The following WWC1 variants were observed in gnomAD, a reference collection of about 807,000 sequenced individuals.
WWC1 encodes the protein WW and C2 domain containing 1.
WWC1 carries 55 observed loss-of-function variants against 138.4 expected under a neutral mutation model. The observed-to-expected ratio is 0.40, with a 90% CI of 0.32 to 0.50. WWC1 has a LOEUF of 0.50. WWC1 is among the 20% of genes least tolerant of loss of function. The probability of loss-of-function intolerance (pLI) is 0.72; values close to 1 mark genes in which losing one functional copy is unlikely to be tolerated. For synonymous variants in WWC1, 524 were observed against 564.9 expected, an observed-to-expected ratio of 0.93 and a Z score of 1.03; for missense variants, 1,226 against 1,420.4, an observed-to-expected ratio of 0.86 and a Z score of 2.20.
intron 2 of WWC1, among the ~76,000 whole-genome samples, chr5:168,379,148 T>A (rs1282876187): frequency 1.3e-5 from 2 of 152,146 alleles, no homozygotes; most frequent in African/African-American, 4.8e-5. Flanking sequence ...GAAAGAGGGA[T>A]ATGAGGGAGA....
intron 9 of WWC1, among the ~76,000 whole-genome samples, chr5:168,417,737 G>A (rs1241372215): frequency 1.3e-5 from 2 of 152,326 alleles, no homozygotes; most frequent in Middle Eastern, 3.4e-3. Flanking sequence ...CGGGCAGCTC[G>A]GAGGGCCTGG....
At chr5:168,454,368 C>T (rs1317998254) in intron 18 of WWC1, among the ~76,000 whole-genome samples, 2 of 152,212 alleles carry the variant, frequency 1.3e-5, no homozygotes, top group Non-Finnish European at 2.9e-5. Context: ...GGTTTGAATT[C>T]TGGCTCTGAT....
intron 1 of WWC1, among the ~76,000 whole-genome samples, chr5:168,356,804 G>C (rs891043875): frequency 6.6e-6 from 1 of 152,094 alleles, no homozygotes; most frequent in African/African-American, 2.4e-5. Flanking sequence ...GGCTCTTGTC[G>C]CGCTTCTCCA....
intron 7 of WWC1, among the ~76,000 whole-genome samples, chr5:168,409,417 A>C (rs1026370833): frequency 6.6e-6 from 1 of 152,194 alleles, no homozygotes; most frequent in Admixed American, 6.5e-5. Context: ...CCATGTGTCC[A>C]GCTACTAGCC....
intron 1 of WWC1, among the ~76,000 whole-genome samples, chr5:168,344,671 G>C (rs1376132575): frequency 3.3e-5 from 5 of 152,248 alleles, no homozygotes; most frequent in Non-Finnish European, 7.3e-5. Context: ...TCTTGCTCAA[G>C]CCTTAGCATT....
chr5:168,415,890 G>A (rs1438890977), intron 9 of WWC1: 2 of 141,830 alleles, frequency 1.4e-5, no homozygotes, highest in African/African-American at 2.7e-5. Flanking sequence ...TATGAGCAAG[G>A]GAATTCCTTT....
At chr5:168,337,584 G>A (rs1408428081) in intron 1 of WWC1, among the ~76,000 whole-genome samples, 1 of 152,192 alleles carries the variant, frequency 6.6e-6, no homozygotes, top group Non-Finnish European at 1.5e-5. Context: ...TGAAAGATAT[G>A]TTAAGCATCC....
chr5:168,327,074 C>A (rs1034776018), intron 1 of WWC1, among the ~76,000 whole-genome samples: 3 of 152,152 alleles, frequency 2.0e-5, no homozygotes, highest in Non-Finnish European at 4.4e-5. Context: ...GGTAACCAGG[C>A]TCCAAGATCA....
chr5:168,316,792 A>G (rs1771639913), intron 1 of WWC1: 1 of 152,232 alleles, frequency 6.6e-6, no homozygotes. Context: ...CTGGGATTCC[A>G]TGAGGGAGTC....
At chr5:168,464,682 A>G in intron 20 of WWC1, 47 bp from the exon 21 acceptor site, 4 of 1,609,458 alleles carry the variant, frequency 2.5e-6, no homozygotes, top group Non-Finnish European at 3.4e-6. Context: ...GGGTGGGCTC[A>G]CTGGGCAGAG....
chr5:168,371,267 C>T lies in WWC1; in HGVS notation c.120-157C>T, dbSNP rs116417494. ...TGCTGCAGCTATGTGTTCACCTTCC[C>T]GGGAACAAAGGGGACAACAGAGCTG... On this transcript the variant is annotated intron_variant, in intron 1 of 22. Transcript: ENST00000265293. Among the ~76,000 whole-genome samples the T allele has an allele frequency of 8.5e-3, 1,296 of 152,244 alleles. 17 individuals carry two copies. The highest frequency in any genetic ancestry group is 0.029 in the African/African-American group (1,186 of 41,554).
At chr5:168,387,550 C>T (rs930062290) in intron 3 of WWC1, among the ~76,000 whole-genome samples, 4 of 152,274 alleles carry the variant, frequency 2.6e-5, no homozygotes, top group East Asian at 3.9e-4. Context: ...GTGGCTTAAA[C>T]GTTACACATT....
chr5:168,292,716 G>A lies in WWC1; in HGVS notation c.119+445G>A, dbSNP rs768461144. 6.6e-6 allele frequency among the ~76,000 whole-genome samples: 1 copy of A among 152,156 alleles called. No homozygotes were observed. Among genetic ancestry groups the A allele is most frequent in the Non-Finnish European group, 1.5e-5 (1 of 68,042 alleles). Reference sequence around the variant, plus strand: ...ATGGGGAAGTGTCCGGTTAGAGGGGGTGGTCAAGACCCCAGGATTCCGTGG... The same window carrying A: ...ATGGGGAAGTGTCCGGTTAGAGGGGATGGTCAAGACCCCAGGATTCCGTGG... On this transcript the variant is annotated intron_variant, in intron 1 of 22. Transcript: ENST00000265293. The surrounding 1 kb of genome is among the most constrained non-coding windows in gnomAD (Gnocchi z 4.4).
intron 15 of WWC1, among the ~76,000 whole-genome samples, chr5:168,437,001 T>A (rs1290775108): frequency 6.6e-6 from 1 of 151,986 alleles, no homozygotes; most frequent in South Asian, 2.1e-4. Flanking sequence ...CCAAGGCCCC[T>A]TGGGATTTGG....
intron 5 of WWC1, among the ~76,000 whole-genome samples, chr5:168,403,753 AC>A (rs1372550054): frequency 4.6e-5 from 7 of 152,000 alleles, no homozygotes; most frequent in Non-Finnish European, 1.0e-4. Flanking sequence ...TCTGGACAGG[AC>A]CAGGAGTTGG....
chr5:168,469,381 C>A lies in WWC1; in HGVS notation c.*364C>A. 4.6e-6 allele frequency: 1 copy of A among 215,738 alleles called. No homozygotes were observed. Among genetic ancestry groups the A allele is most frequent in the Non-Finnish European group, 9.4e-6 (1 of 106,890 alleles). 13.4% of individuals were successfully genotyped at this position (215,738 alleles called of 1,614,324 possible). A position where few individuals can be genotyped will look rare whatever the true frequency, so the allele number is the denominator to read the frequency against. On this transcript the variant is annotated 3_prime_UTR_variant, in exon 23 of 23. Transcript: ENST00000265293. ...TTTTTTTTGGTTTGTACAGCTCCAC[C>A]TTTTAGAGGTCTTACTGCAATAAGA...
chr5:168,292,365 G>T lies in WWC1; in HGVS notation c.119+94G>T, dbSNP rs1248410753. 1 of 1,427,494 alleles carries T rather than the reference G, an allele frequency of 7.0e-7. No individual in the cohort carries two copies. The highest frequency in any genetic ancestry group is 2.7e-5 in the East Asian group (1 of 36,818). 88.4% of individuals were successfully genotyped at this position (1,427,494 alleles called of 1,614,324 possible). A position where few individuals can be genotyped will look rare whatever the true frequency, so the allele number is the denominator to read the frequency against. On this transcript the variant is annotated intron_variant, in intron 1 of 22. Coordinates refer to ENST00000265293, the MANE Select transcript of WWC1 (RefSeq NM_015238.3). This position sits in a 1 kb window ranked among gnomAD's most constrained non-coding sequence, Gnocchi z 4.4. Reference sequence around the variant, plus strand: ...CCGGCCGGGACTGGGAGGGGGCAGGGGAGCTCTGCGTGCCTCTTGAGCTCT... The same window carrying T: ...CCGGCCGGGACTGGGAGGGGGCAGGTGAGCTCTGCGTGCCTCTTGAGCTCT...
chr5:168,427,548 A>ATTTTTTTTTTTTTTTTT (rs34177139), intron 11 of WWC1, among the ~76,000 whole-genome samples: 1 of 101,150 alleles, frequency 9.9e-6, no homozygotes, highest in Non-Finnish European at 1.9e-5. Flanking sequence ...CTTTTTTTTA[A>ATTTTTTTTTTTTTTTTT]TTTTTTTTTT....
intron 9 of WWC1, among the ~76,000 whole-genome samples, chr5:168,418,814 T>C (rs142635648): frequency 1.1e-3 from 168 of 152,232 alleles, no homozygotes; most frequent in African/African-American, 3.7e-3. Flanking sequence ...CCTTTTATAC[T>C]GGGTCAAGAG....
Sources: gnomAD v4.1 joint callset for allele counts (sites outside exome capture counted in the v4.1 genomes callset) on GRCh38, gnomAD v4.1.1 for gene constraint, Gnocchi (gnomAD v3.1) non-coding constraint, MANE v1.5 for transcripts, NCBI Gene and HGNC (gene_info 2026-07-23, HGNC 2026-07-21) for gene names.